Variants in MST1 observed in about 807,000 individuals in gnomAD.
MST1 encodes the protein hepatocyte growth factor-like protein.
Under a neutral mutation model 100.1 loss-of-function variants are expected in MST1, and 76 were observed. The ratio of observed to expected loss-of-function variants is 0.76; its 90% CI spans 0.63 to 0.92. The LOEUF is 0.92. Among genes scored for constraint, MST1 ranks in the 40% least tolerant of loss-of-function variants. The pLI, the probability that MST1 is intolerant of heterozygous loss-of-function variation, is 0.00. For synonymous variants in MST1, 352 were observed against 385.4 expected (o/e 0.91, Z 1.01); for missense variants, 850 against 990.0 (o/e 0.86, Z 1.90).
chr3:49,688,694 G>A lies in MST1; in HGVS notation c.-3C>T, dbSNP rs555908480. 2.4e-5 allele frequency: 39 copies of A among 1,598,154 alleles called. No homozygotes were observed. In the East Asian group the frequency reaches 5.6e-4, roughly 23 times the overall value. ...ACTGTGACCCACCACAGCCCCATCC[G>A]GGAAGTTGTGAAACCTGTCCCTACG... On this transcript the variant is annotated 5_prime_UTR_variant, in exon 1 of 18. Coordinates refer to ENST00000449682, the MANE Select transcript of MST1 (RefSeq NM_020998.4).
chr3:49,686,924 A>G (rs6794954), intron 6 of MST1, 23 bp downstream of exon 6: 1 of 1,611,626 alleles, frequency 6.2e-7, no homozygotes. Flanking sequence ...GGCCCCCAGG[A>G]CGCCGATACC....
Position 49,687,135 on chromosome 3 carries a change from C to G in MST1, c.607+14G>C. ...TGTCCCTCCACTCTCCCAGCTTGAC[C>G]CGGCGCCGCTTACCCTCCCGGCAGG... On this transcript the variant is annotated intron_variant, in intron 5 of 17. Transcript: ENST00000449682. 1 of 1,613,030 alleles carries G rather than the reference C, an allele frequency of 6.2e-7. No homozygotes were observed. The highest frequency in any genetic ancestry group is 8.5e-7 in the Non-Finnish European group (1 of 1,179,878).
chr3:49,687,140 G>A lies in MST1; in HGVS notation c.607+9C>T, dbSNP rs529160835. 12 of 1,613,038 alleles carry A rather than the reference G, an allele frequency of 7.4e-6. 1 individual carries two copies. In the South Asian group the frequency reaches 1.2e-4, roughly 16 times the overall value. On this transcript the variant is annotated intron_variant, in intron 5 of 17. Transcript: ENST00000449682. ...CTCCACTCTCCCAGCTTGACCCGGC[G>A]CCGCTTACCCTCCCGGCAGGATTTG...
rs4525916 is a variant in MST1, at chr3:49,685,620, C to A, written c.1363G>T (p.Asp455Tyr). 1 of 1,613,386 alleles carries A rather than the reference C, an allele frequency of 6.2e-7. No individual in the cohort carries two copies. Among genetic ancestry groups the A allele is most frequent in the Non-Finnish European group, 8.5e-7 (1 of 1,179,858 alleles). Residue 455 changes from aspartate (D) to tyrosine (Y), a missense_variant, in exon 11 of 18, where the codon GAC (aspartate) becomes TAC (tyrosine). Transcript: ENST00000449682. Reference protein sequence around the residue: ...CYTMDPRTPFDYCALRRCADD... With the variant: ...CYTMDPRTPFYYCALRRCADD... ...CCGCAGCGTCGCAGGGCACAGTAGT[C>A]GAATGGGGTCCTTGGGTCCATCGTG...
chr3:49,683,950 A>G lies in MST1; in HGVS notation c.*78T>C. The G allele has an allele frequency of 6.4e-7, 1 of 1,557,328 alleles. No individual in the cohort carries two copies. The highest frequency in any genetic ancestry group is 1.2e-5 in the South Asian group (1 of 80,980). ...AGCAAAGGCTAAGAAGCATCTGTAC[A>G]GGCATAAAGAGGAAACATGGCTTTA... is the stretch of plus-strand genomic sequence containing the variant. On this transcript the variant is annotated 3_prime_UTR_variant, in exon 18 of 18. Coordinates refer to ENST00000449682, the MANE Select transcript of MST1 (RefSeq NM_020998.4).
At position 49,685,393 on chromosome 3, in the gene MST1, G is replaced by C. The variant is rs749071353; in HGVS notation, c.1424-11C>G. 7 of 1,613,714 alleles carry C rather than the reference G, an allele frequency of 4.3e-6. No homozygotes were observed. The highest frequency in any genetic ancestry group is 3.3e-5 in the Admixed American group (2 of 60,014). On this transcript the variant is annotated splice_polypyrimidine_tract_variant and intron_variant, in intron 12 of 17. Coordinates refer to ENST00000449682, the MANE Select transcript of MST1 (RefSeq NM_020998.4). ...CAAACTGCACCTGGTCTGTAGGATG[G>C]GGTGGGCTGGATGAAACCCAGACTG...
intron 11 of MST1, 37 bp from the exon 12 acceptor site, chr3:49,685,543 C>A (rs756458682): frequency 1.9e-6 from 3 of 1,613,352 alleles, no homozygotes; most frequent in Non-Finnish European, 1.7e-6. Context: ...AGGGAGCCAG[C>A]CTTTGGGTGG....
At chr3:49,685,793 C>T (rs1299820708) in intron 10 of MST1, 61 bp from the exon 11 acceptor site, 3 of 1,612,732 alleles carry the variant, frequency 1.9e-6, no homozygotes, top group African/African-American at 1.3e-5. Context: ...AGGCTCTGGT[C>T]CCAGACACCA....
chr3:49,685,126 C>T (rs2108141185), intron 13 of MST1, 37 bp from the exon 14 acceptor site: 1 of 1,603,612 alleles, frequency 6.2e-7, no homozygotes, highest in Non-Finnish European at 8.5e-7. Flanking sequence ...TAACAGACTC[C>T]TGGGACAGAT....
Position 49,684,605 on chromosome 3 carries a change from C to A in MST1, c.1821G>T (p.Trp607Cys). The change falls in exon 16 of 18, where the codon TGG becomes TGT. Residue 607 changes from tryptophan to cysteine, a missense_variant. This residue lies in a region of MST1 where 816 missense variants were observed against 924.6 expected (regional missense o/e 0.88). Transcript: ENST00000449682. ...ACTTGGTCCCTGGAGGCACCACATACCATTCAGGGGGCAGGCAGATCAGGG... is the reference window on the plus strand; with the variant it reads ...ACTTGGTCCCTGGAGGCACCACATAACATTCAGGGGGCAGGCAGATCAGGG... ...RVALICLPPE[W>C]YVVPPGTKCE... 6.2e-7 allele frequency: 1 copy of A among 1,613,814 alleles called. No homozygotes were observed. Among genetic ancestry groups the A allele is most frequent in the Non-Finnish European group, 8.5e-7 (1 of 1,179,870 alleles).
chr3:49,685,695 C>T lies in MST1; in HGVS notation c.1288G>A (p.Glu430Lys). 6.2e-7 allele frequency: 1 copy of T among 1,613,072 alleles called. No homozygotes were observed. Among genetic ancestry groups the T allele is most frequent in the Non-Finnish European group, 8.5e-7 (1 of 1,179,616 alleles). ...CCATCTGGGTTCCGGCAGAAGTTCT[C>T]CTCCAGTTGTGCATGCGGTTCGGAG... is the stretch of plus-strand genomic sequence containing the variant. Reference protein sequence around the residue: ...FTSEPHAQLEENFCRNPDGDS... With the variant: ...FTSEPHAQLEKNFCRNPDGDS... Residue 430 changes from glutamate to lysine, a missense_variant, in exon 11 of 18, where the codon GAG becomes AAG. Around this residue, in one of 2 missense-constraint regions of MST1, gnomAD observed 816 missense variants for 924.6 expected, o/e 0.88. Coordinates refer to ENST00000449682, the MANE Select transcript of MST1 (RefSeq NM_020998.4).
rs767974885 is a variant in MST1, at chr3:49,686,303, C to CCG, written c.1016+9_1016+10insCG. On this transcript the variant is annotated intron_variant, in intron 8 of 17. Coordinates refer to ENST00000449682, the MANE Select transcript of MST1 (RefSeq NM_020998.4). Reference sequence around the variant, plus strand: ...CACGTCCCAACGCCCGCCCCCCCCCCCCACCTCACTTGCACGCGTATTTTT... The same window carrying CCG: ...CACGTCCCAACGCCCGCCCCCCCCCCCGCCACCTCACTTGCACGCGTATTTTT... 8.9e-6 allele frequency: 13 copies of CCG among 1,462,960 alleles called. No homozygotes were observed. The highest frequency in any genetic ancestry group is 1.1e-5 in the Non-Finnish European group (12 of 1,081,264). The allele number at this position is 1,462,960 out of a possible 1,614,324, so 90.6% of individuals were successfully genotyped here.
Position 49,687,903 on chromosome 3 carries a change from G to C in MST1, c.95-6C>G. The C allele has an allele frequency of 6.2e-7, 1 of 1,611,806 alleles. No individual in the cohort carries two copies. Among genetic ancestry groups the C allele is most frequent in the Non-Finnish European group, 8.5e-7 (1 of 1,178,782 alleles). ...ATTCAATGGCGAGCGCTGCCCTGCAGAGTAGGCATGAGTGGGTGCAGGTCA... is the reference window on the plus strand; with the variant it reads ...ATTCAATGGCGAGCGCTGCCCTGCACAGTAGGCATGAGTGGGTGCAGGTCA... On this transcript the variant is annotated splice_polypyrimidine_tract_variant and splice_region_variant and intron_variant, in intron 1 of 17. Transcript: ENST00000449682.
chr3:49,685,884 G>A lies in MST1; in HGVS notation c.1226C>T (p.Ser409Phe), dbSNP rs774351585. The A allele has an allele frequency of 5.0e-6, 8 of 1,608,176 alleles. No individual in the cohort carries two copies. In the Admixed American group the frequency reaches 1.3e-4, roughly 27 times the overall value. ...TRKGVQCQRW[S>F]AETPHKPQFT... ...CTGCGGCTTGTGCGGCGTCTCAGCG[G>A]ACCAGCGCTGGCACTGGACACCCTT... The change falls in exon 10 of 18, where the codon TCC (serine) becomes TTC (phenylalanine). Residue 409 changes from serine to phenylalanine, a missense_variant. By Grantham distance (155) the Ser-to-Phe change is radical (BLOSUM62 -2). This residue lies in a region of MST1 where 816 missense variants were observed against 924.6 expected (regional missense o/e 0.88). Transcript: ENST00000449682.
chr3:49,686,153 T>C lies in MST1; in HGVS notation c.1056A>G (p.Ser352=). The change falls in exon 9 of 18, where the codon TCA becomes TCG. Residue 352 remains serine (S), a synonymous_variant. Transcript: ENST00000449682. ...GCAGTGTGAAGCACCAGGGCGCCTC[T>C]GAGCCGTCGGGGTTCCGGCAGAAGT... ...RENFCRNPDG[S]EAPWCFTLRP... is the part of the protein sequence containing the mutation. 1 of 1,611,370 alleles carries C rather than the reference T, an allele frequency of 6.2e-7. No homozygotes were observed. The highest frequency in any genetic ancestry group is 8.5e-7 in the Non-Finnish European group (1 of 1,179,522).
In MST1 at chr3:49,687,903, G is replaced by T. The variant is rs778261547; in HGVS notation, c.95-6C>A. 3 of 1,611,806 alleles carry T rather than the reference G, an allele frequency of 1.9e-6. No homozygotes were observed. Among genetic ancestry groups the T allele is most frequent in the Non-Finnish European group, 2.5e-6 (3 of 1,178,782 alleles). On this transcript the variant is annotated splice_polypyrimidine_tract_variant and splice_region_variant and intron_variant, in intron 1 of 17. Transcript: ENST00000449682. ...ATTCAATGGCGAGCGCTGCCCTGCA[G>T]AGTAGGCATGAGTGGGTGCAGGTCA...
rs753640826 is a variant in MST1, at chr3:49,684,904, A to C, written c.1623-20T>G. ...ATATGGCTGGGAGAGAAGCTCTGCT[A>C]GGTCATTTGTGACTCTCAGTCCATT... On this transcript the variant is annotated intron_variant, in intron 14 of 17. Transcript: ENST00000449682. The C allele has an allele frequency of 1.9e-5, 30 of 1,613,496 alleles. No individual in the cohort carries two copies. Among genetic ancestry groups the C allele is most frequent in the Non-Finnish European group, 2.5e-5 (29 of 1,179,738 alleles).
chr3:49,687,860 C>A lies in MST1; in HGVS notation c.132G>T (p.Arg44=). 1.9e-6 allele frequency: 3 copies of A among 1,613,502 alleles called. No individual in the cohort carries two copies. Among genetic ancestry groups the A allele is most frequent in the Non-Finnish European group, 2.5e-6 (3 of 1,179,840 alleles). ...GTAGCAGGTGCTGTAGCTCTGTGCCCCGGAGCACTTGGAAGTCATTCAATG... is the reference window on the plus strand; with the variant it reads ...GTAGCAGGTGCTGTAGCTCTGTGCCACGGAGCACTTGGAAGTCATTCAATG... ...RSPLNDFQVL[R]GTELQHLLHA... Residue 44 remains arginine (R), a synonymous_variant, in exon 2 of 18, where the codon CGG becomes CGT. Coordinates refer to ENST00000449682, the MANE Select transcript of MST1 (RefSeq NM_020998.4).
At position 49,685,504 on chromosome 3, in the gene MST1, C is replaced by A. The variant is rs763363976; in HGVS notation, c.1390G>T (p.Asp464Tyr). ...TCCAGGATTGATGGCGGCTGGTCAT[C>A]AGCTGAAAGACAAAGTTCACTGGGG... ...FDYCALRRCA[D>Y]DQPPSILDPP... Residue 464 changes from aspartate to tyrosine, a missense_variant and splice_region_variant, in exon 12 of 18, where the codon GAT (aspartate) becomes TAT (tyrosine). Around this residue, in one of 2 missense-constraint regions of MST1, gnomAD observed 816 missense variants for 924.6 expected, o/e 0.88. Coordinates refer to ENST00000449682, the MANE Select transcript of MST1 (RefSeq NM_020998.4). 6 of 1,613,532 alleles carry A rather than the reference C, an allele frequency of 3.7e-6. No individual in the cohort carries two copies. In the South Asian group the frequency reaches 6.6e-5, roughly 18 times the overall value.
Sources: allele counts gnomAD v4.1 joint callset, GRCh38; gene constraint gnomAD v4.1.1; regional missense constraint gnomAD v4.1.1; transcripts MANE v1.5; gene names NCBI Gene and HGNC (gene_info 2026-07-23, HGNC 2026-07-21).